The following MEOX1 variants were observed in gnomAD, a reference collection of about 807,000 sequenced individuals.
MEOX1 encodes the protein mesenchyme homeobox 1.
In MEOX1, 17 loss-of-function variants were observed where a neutral mutation model predicts 23.2. The ratio of observed to expected loss-of-function variants is 0.73; its 90% CI spans 0.50 to 1.10. The LOEUF is 1.10. Ranked by LOEUF, MEOX1 falls within the 50% of genes least tolerant of loss-of-function variation. The probability of loss-of-function intolerance (pLI) is 0.00; values close to 1 mark genes in which losing one functional copy is unlikely to be tolerated. For synonymous variants in MEOX1, 134 were observed against 135.1 expected, an observed-to-expected ratio of 0.99 and a Z score of 0.06; for missense variants, 333 against 332.2, an observed-to-expected ratio of 1.00 and a Z score of -0.02.
chr17:43,661,154 T>A lies in MEOX1; in HGVS notation c.381A>T (p.Thr127=). ...GTSSLGLVDT[T]GGPGDDYGVL... ...CCCCGTAGTCATCGCCTGGGCCTCCTGTGGTGTCCACCAGGCCCAGGCTGC... is the reference window on the plus strand; with the variant it reads ...CCCCGTAGTCATCGCCTGGGCCTCCAGTGGTGTCCACCAGGCCCAGGCTGC... The change falls in exon 1 of 3, where the codon ACA becomes ACT. Residue 127 remains threonine (T), a synonymous_variant. Transcript: ENST00000318579. 1 of 1,579,994 alleles carries A rather than the reference T, an allele frequency of 6.3e-7. No homozygotes were observed.
chr17:43,648,009 A>G (rs945617636), intron 1 of MEOX1, among the ~76,000 whole-genome samples: 1 of 152,248 alleles, frequency 6.6e-6, no homozygotes, highest in African/African-American at 2.4e-5. Context: ...GAAGCAAGCT[A>G]TGAAAGTTGA....
intron 1 of MEOX1, among the ~76,000 whole-genome samples, chr17:43,644,025 C>T (rs1972755866): frequency 6.6e-6 from 1 of 152,034 alleles, no homozygotes; most frequent in African/African-American, 2.4e-5. Flanking sequence ...TGCTCTAAAA[C>T]AAAGCCTCAA....
chr17:43,645,169 ATC>A (rs1349722384), intron 1 of MEOX1, among the ~76,000 whole-genome samples: 1,843 of 129,708 alleles, frequency 0.014, 68 homozygotes, highest in African/African-American at 0.059. Flanking sequence ...TTCATTAATT[ATC>A]TTTTTTTTTT....
At chr17:43,648,408 G>T (rs994891731) in intron 1 of MEOX1, among the ~76,000 whole-genome samples, 2 of 150,914 alleles carry the variant, frequency 1.3e-5, no homozygotes, top group African/African-American at 4.9e-5. Context: ...GGCGGAGCTT[G>T]CAGTGAGCCA....
chr17:43,641,545 C>T lies in MEOX1; in HGVS notation c.*365G>A, dbSNP rs925808149. On this transcript the variant is annotated 3_prime_UTR_variant, in exon 3 of 3. Coordinates refer to ENST00000318579, the MANE Select transcript of MEOX1 (RefSeq NM_004527.4). ...CCACCAGGCCAGGTGGTGTCCAGAC[C>T]AGGAGGAGGCCTGGCTGACCTAGGA... The T allele has an allele frequency of 5.6e-6, 1 of 179,036 alleles. No homozygotes were observed. The highest frequency in any genetic ancestry group is 2.4e-5 in the African/African-American group (1 of 42,172). The allele number at this position is 179,036 out of a possible 1,614,324, so 11.1% of individuals were successfully genotyped here.
intron 1 of MEOX1, among the ~76,000 whole-genome samples, chr17:43,653,355 G>T (rs181167625): frequency 4.0e-5 from 6 of 150,290 alleles, no homozygotes; most frequent in Admixed American, 4.0e-4. Context: ...GGTCAGGCTG[G>T]TCTCAAACTC....
chr17:43,660,766 G>A (rs922127799), intron 1 of MEOX1, among the ~76,000 whole-genome samples: 1 of 152,106 alleles, frequency 6.6e-6, no homozygotes. Flanking sequence ...ACCAGCCCTC[G>A]CCAGTCTGCA....
chr17:43,661,248 AAGTGCC>A lies in MEOX1; in HGVS notation c.281_286del (p.Trp94_His95del), dbSNP rs773936713. On this transcript the variant is annotated inframe_deletion, in exon 1 of 3. Transcript: ENST00000318579. ...CCTGCGCCGGGCGTCTGAGACAGGG[AAGTGCC>A]AGTTGGGGGACTGTGGGAAAGCGGG... 24 of 1,609,560 alleles carry A rather than the reference AAGTGCC, an allele frequency of 1.5e-5. 1 individual carries two copies. The highest frequency in any genetic ancestry group is 8.5e-6 in the Non-Finnish European group (10 of 1,177,542).
At chr17:43,643,342 G>A in intron 2 of MEOX1, 146 bp downstream of exon 2, 1 of 684,262 alleles carries the variant, frequency 1.5e-6, no homozygotes, top group Admixed American at 3.4e-5. Context: ...AAACTCCCCA[G>A]GCTATTCTCA....
At chr17:43,654,312 C>A (rs753534608) in intron 1 of MEOX1, among the ~76,000 whole-genome samples, 8 of 152,006 alleles carry the variant, frequency 5.3e-5, no homozygotes, top group Non-Finnish European at 1.0e-4. Context: ...AGTTCGAGAC[C>A]AGCCTGGCCA....
chr17:43,657,034 C>CTTTCTTTCTTTA, intron 1 of MEOX1, among the ~76,000 whole-genome samples: 1 of 130,358 alleles, frequency 7.7e-6, no homozygotes, highest in South Asian at 2.6e-4. Context: ...TTCTTTCTTT[C>CTTTCTTTCTTTA]TTTCTTTCTT....
chr17:43,661,281 T>G lies in MEOX1; in HGVS notation c.254A>C (p.His85Pro), dbSNP rs570852762. ...GTTGGGGGACTGTGGGAAAGCGGGG[T>G]GCTGCTCAGTGAAGATGTGCTCCTC... ...PQEEHIFTEQHPAFPQSPNWH... is the reference protein window; with the variant it reads ...PQEEHIFTEQPPAFPQSPNWH... The change falls in exon 1 of 3, where the codon CAC becomes CCC. Residue 85 changes from histidine to proline, a missense_variant. Transcript: ENST00000318579. The G allele has an allele frequency of 2.2e-5, 35 of 1,609,322 alleles. No individual in the cohort carries two copies. In the Admixed American group the frequency reaches 5.5e-4, roughly 25 times the overall value.
intron 2 of MEOX1, among the ~76,000 whole-genome samples, chr17:43,643,080 G>T (rs553082135): frequency 6.6e-6 from 1 of 152,042 alleles, no homozygotes; most frequent in African/African-American, 2.4e-5. Context: ...AGGCCGAGGC[G>T]GGCGGATCAC....
intron 1 of MEOX1, among the ~76,000 whole-genome samples, chr17:43,657,233 C>T (rs551910427): frequency 1.5e-5 from 2 of 137,462 alleles, no homozygotes; most frequent in Admixed American, 8.3e-5. Flanking sequence ...AGTGCAGTGG[C>T]GTGATCTCTG....
chr17:43,642,712 CAA>C (rs1428493413), intron 2 of MEOX1, among the ~76,000 whole-genome samples: 4 of 152,104 alleles, frequency 2.6e-5, no homozygotes, highest in Non-Finnish European at 5.9e-5. Context: ...AAGTTTTTCT[CAA>C]AGTGTGCCCA....
In MEOX1 at chr17:43,661,005, G is replaced by A. The variant is rs1216904251; in HGVS notation, c.469+61C>T. ...CTCAGAGCACCTAGGCACAGAGAGG[G>A]TGAGTAACTTCCCCAGGGTCACACA... On this transcript the variant is annotated intron_variant, in intron 1 of 2. Transcript: ENST00000318579. 7.2e-6 allele frequency: 8 copies of A among 1,115,278 alleles called. No homozygotes were observed. The South Asian group carries it at 1.5e-4, about 21-fold the overall frequency. The allele number at this position is 1,115,278 out of a possible 1,614,324, so 69.1% of individuals were successfully genotyped here.
chr17:43,657,436 C>A (rs922573098), intron 1 of MEOX1, among the ~76,000 whole-genome samples: 5 of 151,416 alleles, frequency 3.3e-5, no homozygotes, highest in African/African-American at 1.2e-4. Context: ...ATCCGCCTGG[C>A]TCAGCCTCCC....
At chr17:43,656,687 C>T (rs1393020915) in intron 1 of MEOX1, among the ~76,000 whole-genome samples, 1 of 152,142 alleles carries the variant, frequency 6.6e-6, no homozygotes, top group East Asian at 1.9e-4. Context: ...CTTTCCCAGG[C>T]GGGCGATCGG....
At chr17:43,649,735 T>G (rs1347807921) in intron 1 of MEOX1, among the ~76,000 whole-genome samples, 1 of 152,188 alleles carries the variant, frequency 6.6e-6, no homozygotes, top group African/African-American at 2.4e-5. Context: ...CTTCCAGAAC[T>G]GCGGAGGGAG....
Sources: allele counts gnomAD v4.1 joint callset (sites outside exome capture counted in the v4.1 genomes callset), GRCh38; gene constraint gnomAD v4.1.1; transcripts MANE v1.5; gene names NCBI Gene and HGNC (gene_info 2026-07-23, HGNC 2026-07-21).